Variants in IGF1R observed in about 807,000 individuals in gnomAD.
IGF1R encodes the protein insulin-like growth factor 1 receptor.
Under a neutral mutation model 144.6 loss-of-function variants are expected in IGF1R, and 44 were observed. The observed-to-expected ratio is 0.30, with a 90% CI of 0.24 to 0.39. The LOEUF is 0.39. Ranked by LOEUF, IGF1R falls within the 10% of genes least tolerant of loss-of-function variation. IGF1R has a pLI of 1.00. For missense variants in IGF1R, 1,355 were observed against 1,833.7 expected (o/e 0.74, Z 4.77); for synonymous variants, 795 against 722.8 (o/e 1.10, Z -1.60).
At chr15:98,952,783 C>T (rs897695104) in intron 20 of IGF1R, 1 of 152,218 alleles carries the variant, frequency 6.6e-6, no homozygotes, top group Admixed American at 6.5e-5. Context: ...AGGAAATTTA[C>T]TCAGAGCGGT....
chr15:98,934,359 C>G (rs2016062522), intron 15 of IGF1R, among the ~76,000 whole-genome samples: 1 of 152,200 alleles, frequency 6.6e-6, no homozygotes, highest in Non-Finnish European at 1.5e-5. Context: ...CATAAGAACT[C>G]TTCCCTCTCC....
At chr15:98,913,011 C>G in intron 7 of IGF1R, 33 bp from the exon 8 acceptor site, 1 of 1,504,930 alleles carries the variant, frequency 6.6e-7, no homozygotes. Flanking sequence ...ATGTCAGAGC[C>G]CCGAACTTTC....
At chr15:98,735,334 G>A (rs2054586532) in intron 2 of IGF1R, among the ~76,000 whole-genome samples, 1 of 152,212 alleles carries the variant, frequency 6.6e-6, no homozygotes, top group Non-Finnish European at 1.5e-5. Context: ...GAAGTCCACT[G>A]GGGGCTCCCC....
At chr15:98,896,734 A>AT (rs368764715) in intron 3 of IGF1R, 23 bp from the exon 4 acceptor site, 1,736 of 1,521,368 alleles carry the variant, frequency 1.1e-3, no homozygotes, top group Admixed American at 1.5e-3. Flanking sequence ...TGTGTTTTTG[A>AT]TTTTTTTTTT....
In IGF1R at chr15:98,649,690, G is replaced by A. The variant is rs139440044; in HGVS notation, c.94+15G>A. The A allele has an allele frequency of 7.9e-5, 125 of 1,586,602 alleles. No homozygotes were observed. In the Middle Eastern group the frequency reaches 1.4e-3, roughly 17 times the overall value. On this transcript the variant is annotated intron_variant, in intron 1 of 20. Transcript: ENST00000650285. ...GAGTGGAGAAAGTGAGTATGTGCCC[G>A]CCGCCCGCGGCCACTGCGGGAACTT...
intron 1 of IGF1R, among the ~76,000 whole-genome samples, chr15:98,676,538 T>A (rs2053051136): frequency 6.6e-6 from 1 of 152,102 alleles, no homozygotes; most frequent in Non-Finnish European, 1.5e-5. Context: ...TGTTAACATC[T>A]GCTAGGAAGA....
chr15:98,786,749 C>T (rs2056007101), intron 2 of IGF1R, among the ~76,000 whole-genome samples: 1 of 152,144 alleles, frequency 6.6e-6, no homozygotes, highest in Admixed American at 6.6e-5. Flanking sequence ...GGACATTGTG[C>T]TCTGGCCAAT....
intron 17 of IGF1R, among the ~76,000 whole-genome samples, chr15:98,938,205 C>T (rs1253118195): frequency 5.3e-5 from 8 of 152,232 alleles, no homozygotes; most frequent in Non-Finnish European, 1.0e-4. Flanking sequence ...GTCAGTGAAA[C>T]CACTGTGATA....
chr15:98,657,723 A>G (rs1363096933), intron 1 of IGF1R, among the ~76,000 whole-genome samples: 2 of 152,184 alleles, frequency 1.3e-5, no homozygotes, highest in East Asian at 3.8e-4. Flanking sequence ...TCGTCAGGTG[A>G]TACAATTGGG....
chr15:98,703,430 A>C (rs991707441), intron 1 of IGF1R, among the ~76,000 whole-genome samples: 3 of 151,994 alleles, frequency 2.0e-5, no homozygotes, highest in African/African-American at 7.2e-5. Context: ...GCTATCATTC[A>C]TGGTCCAGCT....
chr15:98,899,762 C>G, intron 5 of IGF1R, 141 bp downstream of exon 5: 2 of 821,964 alleles, frequency 2.4e-6, no homozygotes, highest in East Asian at 2.6e-5. Context: ...CTGTGCTGCT[C>G]GAGTAGGTCT....
In IGF1R at chr15:98,908,700, C is replaced by T. The variant is rs542546475; in HGVS notation, c.1263C>T (p.Tyr421=). ...GTGCTTCTAGGAATTACTCCTTCTA[C>T]GTCCTCGACAACCAGAACTTGCAGC... ...EEQLEGNYSF[Y]VLDNQNLQQL... The change falls in exon 6 of 21, where the codon TAC becomes TAT. Residue 421 remains tyrosine (Y), a synonymous_variant. Coordinates refer to ENST00000650285, the MANE Select transcript of IGF1R (RefSeq NM_000875.5). The T allele has an allele frequency of 6.8e-6, 11 of 1,613,962 alleles. No homozygotes were observed. Among genetic ancestry groups the T allele is most frequent in the East Asian group, 4.5e-5 (2 of 44,882 alleles).
rs989992576 is a variant in IGF1R at position 98,670,645 on chromosome 15, A to G, written c.94+20970A>G. ...ATGGAAGAGATAGAAGACTGGTCCCAGGGGTTCTTAGTGGCACCTTCCTCT... is the reference window on the plus strand; with the variant it reads ...ATGGAAGAGATAGAAGACTGGTCCCGGGGGTTCTTAGTGGCACCTTCCTCT... On this transcript the variant is annotated intron_variant, in intron 1 of 20. Transcript: ENST00000650285. Among the ~76,000 whole-genome samples, 6 of 152,224 alleles carry G rather than the reference A, an allele frequency of 3.9e-5. 1 individual carries two copies. Among genetic ancestry groups the G allele is most frequent in the South Asian group, 4.1e-4 (2 of 4,828 alleles).
chr15:98,865,598 A>G (rs1596373295), intron 2 of IGF1R, among the ~76,000 whole-genome samples: 1 of 152,168 alleles, frequency 6.6e-6, no homozygotes, highest in Admixed American at 6.6e-5. Flanking sequence ...GTGGTTTGGG[A>G]AGATATGAAC....
intron 2 of IGF1R, among the ~76,000 whole-genome samples, chr15:98,768,941 A>T (rs1233550755): frequency 6.6e-6 from 1 of 151,748 alleles, no homozygotes; most frequent in Non-Finnish European, 1.5e-5. Context: ...AACAACAACA[A>T]CAACAACAAC....
At chr15:98,720,749 G>T (rs1301808422) in intron 2 of IGF1R, among the ~76,000 whole-genome samples, 1 of 152,198 alleles carries the variant, frequency 6.6e-6, no homozygotes, top group Non-Finnish European at 1.5e-5. Flanking sequence ...TCTGGCTTTT[G>T]CTGTTACCAA....
intron 11 of IGF1R, among the ~76,000 whole-genome samples, chr15:98,923,079 C>T (rs917001212): frequency 5.9e-5 from 9 of 152,204 alleles, no homozygotes; most frequent in South Asian, 4.1e-4. Flanking sequence ...TCCATTGTAG[C>T]GTGCCTTGAG....
chr15:98,894,257 A>G (rs183111136), intron 3 of IGF1R, among the ~76,000 whole-genome samples: 274 of 152,134 alleles, frequency 1.8e-3, no homozygotes, highest in Non-Finnish European at 2.7e-3. Flanking sequence ...TTTCTATTTG[A>G]GTGAAAGATG....
At chr15:98,782,289 G>T (rs1233736162) in intron 2 of IGF1R, among the ~76,000 whole-genome samples, 2 of 152,084 alleles carry the variant, frequency 1.3e-5, no homozygotes. Context: ...TTACCATGTT[G>T]AATTAAGTGG....
Sources: allele counts gnomAD v4.1 joint callset (sites outside exome capture counted in the v4.1 genomes callset), GRCh38; gene constraint gnomAD v4.1.1; transcripts MANE v1.5; gene names NCBI Gene and HGNC (gene_info 2026-07-23, HGNC 2026-07-21).